The following CGGBP1 variants were observed in gnomAD, a reference collection of about 807,000 sequenced individuals.
The protein encoded by CGGBP1 is CGG triplet repeat-binding protein 1.
In CGGBP1, 4 loss-of-function variants were observed where a neutral mutation model predicts 11.4. That is an observed-to-expected ratio of 0.35 (90% CI 0.17 to 0.80). The LOEUF (loss-of-function observed/expected upper bound fraction) is 0.80. Ranked by LOEUF, CGGBP1 falls within the 30% of genes least tolerant of loss-of-function variation. The pLI is 0.52. For synonymous variants in CGGBP1, 76 were observed against 74.1 expected, an observed-to-expected ratio of 1.03 and a Z score of -0.13; for missense variants, 135 against 202.1, an observed-to-expected ratio of 0.67 and a Z score of 2.01.
At chr3:88,082,980 G>A (rs544054831) in intron 2 of CGGBP1, among the ~76,000 whole-genome samples, 6 of 152,178 alleles carry the variant, frequency 3.9e-5, no homozygotes, top group Non-Finnish European at 7.4e-5. Context: ...TGTGCATAGA[G>A]AAAGAGAGAG....
chr3:88,117,660 T>C (rs1275604668), intron 2 of CGGBP1, among the ~76,000 whole-genome samples: 1 of 152,160 alleles, frequency 6.6e-6, no homozygotes, highest in Non-Finnish European at 1.5e-5. Context: ...AATCCATTAA[T>C]GTCTAATGAT....
chr3:88,075,297 A>C (rs1383258199), intron 2 of CGGBP1, among the ~76,000 whole-genome samples: 2 of 152,228 alleles, frequency 1.3e-5, no homozygotes, highest in Non-Finnish European at 2.9e-5. Context: ...CAGCCTCCAC[A>C]ACCTGTGTTC....
At chr3:88,109,604 T>A (rs1704966260) in intron 2 of CGGBP1, among the ~76,000 whole-genome samples, 1 of 151,866 alleles carries the variant, frequency 6.6e-6, no homozygotes, top group African/African-American at 2.4e-5. Flanking sequence ...CAAAAAAGAG[T>A]AAGGGTTAGC....
rs1449787475 is a variant in CGGBP1, at chr3:88,055,864, C to G, written c.113G>C (p.Gly38Ala). The change falls in exon 4 of 4, where the codon GGA becomes GCA. Residue 38 changes from glycine (G) to alanine (A), a missense_variant. By Grantham distance (60) the Gly-to-Ala change is moderately conservative. Transcript: ENST00000482016. The surrounding 1 kb of genome is among the most constrained non-coding windows in gnomAD (Gnocchi z 4.2). ...GCAAGAAGTGCAGAAGAGTTTTCCTCCATCTTCATGCAGCTCACCTCCAAA... is the reference window on the plus strand; with the variant it reads ...GCAAGAAGTGCAGAAGAGTTTTCCTGCATCTTCATGCAGCTCACCTCCAAA... ...TEFGGELHED[G>A]GKLFCTSCNV... The G allele has an allele frequency of 1.2e-6, 2 of 1,614,060 alleles. No homozygotes were observed. The highest frequency in any genetic ancestry group is 2.2e-5 in the South Asian group (2 of 91,086).
At chr3:88,112,594 T>C (rs542915430) in intron 2 of CGGBP1, among the ~76,000 whole-genome samples, 2 of 152,184 alleles carry the variant, frequency 1.3e-5, no homozygotes, top group Admixed American at 6.5e-5. Flanking sequence ...TGAGGAACCA[T>C]GTGTCATTTA....
chr3:88,140,647 C>T lies in CGGBP1; in HGVS notation c.-229+323G>A, dbSNP rs184110381. ...CAAACACCTTTAGTTTCATCAGATC[C>T]TGCTTTGAAAATTGATACAAACAGA... On this transcript the variant is annotated intron_variant, in intron 2 of 3. Transcript: ENST00000462901. The T allele has an allele frequency of 2.4e-5, 38 of 1,613,700 alleles. No homozygotes were observed. Among genetic ancestry groups the T allele is most frequent in the Non-Finnish European group, 3.1e-5 (37 of 1,179,734 alleles).
chr3:88,095,984 T>G (rs972533939), intron 2 of CGGBP1: 4 of 254,068 alleles, frequency 1.6e-5, no homozygotes, highest in African/African-American at 9.4e-5. Context: ...TGCACTGTTC[T>G]ACCTGAAGGA....
intron 2 of CGGBP1, among the ~76,000 whole-genome samples, chr3:88,081,895 A>G (rs1708095358): frequency 6.6e-6 from 1 of 152,204 alleles, no homozygotes; most frequent in Non-Finnish European, 1.5e-5. Context: ...TAGCTAGGAA[A>G]TACTTTTATA....
chr3:88,094,605 A>C (rs1263384066), intron 2 of CGGBP1, among the ~76,000 whole-genome samples: 1 of 152,160 alleles, frequency 6.6e-6, no homozygotes, highest in African/African-American at 2.4e-5. Context: ...GGATATACAA[A>C]AATTAGAGCA....
In CGGBP1 at chr3:88,108,829, GA is replaced by G. The variant is rs548207936; in HGVS notation, c.-229+32140del. ...GAAAAGGTTAAAGTTCTCAACTTCA[GA>G]AAAAAAAAAAATTGTATGCTGAGGT... On this transcript the variant is annotated intron_variant, in intron 2 of 3. Coordinates refer to the CGGBP1 transcript ENST00000462901. Among the ~76,000 whole-genome samples the G allele has an allele frequency of 1.3e-3, 192 of 144,224 alleles. No individual in the cohort carries two copies. The Middle Eastern group carries it at 0.014, about 11-fold the overall frequency. 94.6% of individuals were successfully genotyped at this position (144,224 alleles called of 152,430 possible). A position where few individuals can be genotyped will look rare whatever the true frequency, so the allele number is the denominator to read the frequency against.
chr3:88,146,397 CT>C (rs1439083719), intron 1 of CGGBP1, among the ~76,000 whole-genome samples: 2 of 152,126 alleles, frequency 1.3e-5, no homozygotes, highest in Non-Finnish European at 2.9e-5. Flanking sequence ...TGAATGGATA[CT>C]TTAGTAGTAA....
chr3:88,055,655 C>A lies in CGGBP1; in HGVS notation c.322G>T (p.Val108Leu). ...ATGTTGGCTTCCAGGCACATTTTCACAAAGTCCTGGATAACACTGACTTTC... is the reference window on the plus strand; with the variant it reads ...ATGTTGGCTTCCAGGCACATTTTCAAAAAGTCCTGGATAACACTGACTTTC... The part of the protein sequence containing the change: ...TEKVSVIQDF[V>L]KMCLEANIPL... The change falls in exon 4 of 4, where the codon GTG (valine) becomes TTG (leucine). Residue 108 changes from valine to leucine, a missense_variant. Transcript: ENST00000482016. This position sits in a 1 kb window ranked among gnomAD's most constrained non-coding sequence, Gnocchi z 4.2. 1 of 1,614,202 alleles carries A rather than the reference C, an allele frequency of 6.2e-7. No individual in the cohort carries two copies.
rs1319101990 is a variant in CGGBP1, at chr3:88,095,658, T to G, written c.-228-37435A>C. 6.2e-6 allele frequency: 3 copies of G among 480,824 alleles called. No individual in the cohort carries two copies. In the East Asian group the frequency reaches 1.8e-4, roughly 29 times the overall value. The allele number at this position is 480,824 out of a possible 1,614,324, so 29.8% of individuals were successfully genotyped here. A position where few individuals can be genotyped will look rare whatever the true frequency, so the allele number is the denominator to read the frequency against. ...GCCCCAAGCAATATCATCACTCTGT[T>G]CTCTTTTTTGGACTTGATACTGTCA... is the stretch of plus-strand genomic sequence containing the variant. On this transcript the variant is annotated intron_variant, in intron 2 of 3. Coordinates refer to the CGGBP1 transcript ENST00000462901.
At chr3:88,094,931 A>G (rs2107691395) in intron 2 of CGGBP1, among the ~76,000 whole-genome samples, 1 of 152,262 alleles carries the variant, frequency 6.6e-6, no homozygotes, top group Non-Finnish European at 1.5e-5. Flanking sequence ...AATTGACAAA[A>G]TTTTGCTCAC....
intron 2 of CGGBP1, among the ~76,000 whole-genome samples, chr3:88,084,276 AG>A (rs1367481611): frequency 6.6e-6 from 1 of 152,218 alleles, no homozygotes; most frequent in Admixed American, 6.5e-5. Context: ...ACCCATAAAT[AG>A]GGAGCAGATA....
At chr3:88,070,682 A>G (rs1707461007) in intron 2 of CGGBP1, among the ~76,000 whole-genome samples, 1 of 151,354 alleles carries the variant, frequency 6.6e-6, no homozygotes, top group Admixed American at 6.6e-5. Flanking sequence ...GGTTGGAGAA[A>G]GTATGGCCCA....
intron 2 of CGGBP1, among the ~76,000 whole-genome samples, chr3:88,084,455 A>G (rs756652663): frequency 1.3e-5 from 2 of 152,168 alleles, no homozygotes; most frequent in Non-Finnish European, 2.9e-5. Flanking sequence ...TGTTTTTTCT[A>G]ACATTCCTCT....
chr3:88,124,112 T>G (rs1705941349), intron 2 of CGGBP1, among the ~76,000 whole-genome samples: 1 of 152,220 alleles, frequency 6.6e-6, no homozygotes, highest in South Asian at 2.1e-4. Flanking sequence ...AATAAGATAT[T>G]TATTCGAACT....
chr3:88,130,262 C>A (rs1254596772), intron 2 of CGGBP1, among the ~76,000 whole-genome samples: 5 of 152,152 alleles, frequency 3.3e-5, no homozygotes, highest in African/African-American at 1.2e-4. Context: ...CATATACACA[C>A]ATACACACAC....
Sources: allele counts gnomAD v4.1 joint callset (sites outside exome capture counted in the v4.1 genomes callset), GRCh38; gene constraint gnomAD v4.1.1; non-coding constraint Gnocchi (gnomAD v3.1); transcripts MANE v1.5; gene names NCBI Gene and HGNC (gene_info 2026-07-23, HGNC 2026-07-21).